Variants in OR10R2 observed in about 807,000 individuals in gnomAD.
The protein encoded by OR10R2 is olfactory receptor 10R2.
Under a neutral mutation model 2.4 loss-of-function variants are expected in OR10R2, and 1 was observed. The observed-to-expected ratio is 0.41, with a 90% CI of 0.15 to 1.95. The LOEUF (loss-of-function observed/expected upper bound fraction) is 1.95. OR10R2 is among the 30% of genes most tolerant of loss of function. The probability of loss-of-function intolerance (pLI) is 0.30; values close to 1 mark genes in which losing one functional copy is unlikely to be tolerated. For synonymous variants in OR10R2, 166 were observed against 144.8 expected, an observed-to-expected ratio of 1.15 and a Z score of -1.05; for missense variants, 419 against 373.0, an observed-to-expected ratio of 1.12 and a Z score of -1.01.
intron 1 of OR10R2, 58 bp from the exon 2 acceptor site, chr1:158,479,880 G>GC: frequency 1.3e-6 from 2 of 1,591,438 alleles, no homozygotes; most frequent in East Asian, 4.5e-5. Flanking sequence ...AGGAGTGCAT[G>GC]CCCCAAATTC....
intron 1 of OR10R2, among the ~76,000 whole-genome samples, chr1:158,476,899 T>A (rs1656282344): frequency 1.3e-5 from 2 of 152,176 alleles, no homozygotes; most frequent in Admixed American, 1.3e-4. Context: ...CGTCTGTTCA[T>A]ATCCTTTGCA....
chr1:158,479,726 G>T, intron 1 of OR10R2: 1 of 602,686 alleles, frequency 1.7e-6, no homozygotes, highest in Non-Finnish European at 2.9e-6. Flanking sequence ...GAGAGAATCA[G>T]AAAGTCAGAG....
At chr1:158,477,659 C>G (rs1453527486) in intron 1 of OR10R2, among the ~76,000 whole-genome samples, 1 of 152,012 alleles carries the variant, frequency 6.6e-6, no homozygotes, top group Non-Finnish European at 1.5e-5. Context: ...AGAGATAACA[C>G]AAATAAATGG....
intron 1 of OR10R2, among the ~76,000 whole-genome samples, 193 bp downstream of exon 1, chr1:158,472,545 T>C (rs1249684209): frequency 1.3e-5 from 2 of 152,260 alleles, no homozygotes; most frequent in Non-Finnish European, 2.9e-5. Context: ...AACTCTTTCA[T>C]ATTGGAGATT....
chr1:158,476,741 G>A (rs1656279456), intron 1 of OR10R2, among the ~76,000 whole-genome samples: 1 of 152,062 alleles, frequency 6.6e-6, no homozygotes, highest in Admixed American at 6.5e-5. Flanking sequence ...TCATTTCAAT[G>A]TGTAGATACA....
exon 2 of OR10R2, chr1:158,480,912 A>G (rs771896162): frequency 9.5e-7 from 1 of 1,052,918 alleles, no homozygotes; most frequent in Non-Finnish European, 1.4e-6. Flanking sequence ...AGATTTCTTA[A>G]TAAATAATGC....
chr1:158,476,513 A>G (rs898169902), intron 1 of OR10R2, among the ~76,000 whole-genome samples: 10 of 143,598 alleles, frequency 7.0e-5, no homozygotes, highest in African/African-American at 2.6e-4. Flanking sequence ...ATGCCACTGC[A>G]CTCCAGCCTG....
At chr1:158,480,619 A>T (rs755006065) in exon 2 of OR10R2, 4 of 1,613,596 alleles carry the variant, frequency 2.5e-6, no homozygotes, top group Admixed American at 1.7e-5. Flanking sequence ...TATCCTGAAG[A>T]TTCCCTCAGC....
At chr1:158,477,846 T>C (rs942050796) in intron 1 of OR10R2, among the ~76,000 whole-genome samples, 3 of 151,980 alleles carry the variant, frequency 2.0e-5, no homozygotes, top group Non-Finnish European at 4.4e-5. Context: ...ATAGCCCAAG[T>C]AACCCTAAAG....
Position 158,472,263 on chromosome 1 carries a change from A to G in OR10R2, c.-63A>G, listed in dbSNP as rs1020113861. 2 of 398,944 alleles carry G rather than the reference A, an allele frequency of 5.0e-6. 1 individual carries two copies. Among genetic ancestry groups the G allele is most frequent in the Middle Eastern group, 1.3e-3 (2 of 1,586 alleles). The allele number at this position is 398,944 out of a possible 1,614,324, so 24.7% of individuals were successfully genotyped here. The stretch of plus-strand genomic sequence containing the variant: ...GCATTGATGCTAATGTGAACCAGAA[A>G]AAAAGCTCCTTAATTATACTCATTA... On this transcript the variant is annotated 5_prime_UTR_variant, in exon 1 of 2. Transcript: ENST00000641067.
intron 1 of OR10R2, among the ~76,000 whole-genome samples, chr1:158,477,404 T>C (rs1656290285): frequency 6.6e-6 from 1 of 152,208 alleles, no homozygotes. Flanking sequence ...AGAAAACTAA[T>C]TTAAAGACTC....
Position 158,480,500 on chromosome 1 carries a change from C to T in OR10R2, c.590C>T (p.Ala197Val), listed in dbSNP as rs1173707646. The change falls in exon 2 of 2, where the codon GCT becomes GTT. Residue 197 changes from alanine (A) to valine (V), a missense_variant. Ala to Val is a moderately conservative substitution (Grantham distance 64). Transcript: ENST00000641067. ...GACATCTCAGCAGTCATTCTTCTGGCTTGTACCAACACAGATGTTAACGAA... is the reference window on the plus strand; with the variant it reads ...GACATCTCAGCAGTCATTCTTCTGGTTTGTACCAACACAGATGTTAACGAA... The T allele has an allele frequency of 6.2e-7, 1 of 1,613,004 alleles. No individual in the cohort carries two copies.
At chr1:158,475,741 A>G (rs1656256775) in intron 1 of OR10R2, among the ~76,000 whole-genome samples, 1 of 151,548 alleles carries the variant, frequency 6.6e-6, no homozygotes, top group Non-Finnish European at 1.5e-5. Context: ...TTGTTGCTTA[A>G]TACTCTTTGA....
At chr1:158,476,813 G>T (rs1656280652) in intron 1 of OR10R2, among the ~76,000 whole-genome samples, 1 of 152,064 alleles carries the variant, frequency 6.6e-6, no homozygotes. Context: ...GTTTCGATTT[G>T]CATTTCTCTG....
At chr1:158,475,345 A>C (rs77510724) in intron 1 of OR10R2, among the ~76,000 whole-genome samples, 2,491 of 152,204 alleles carry the variant, frequency 0.016, 56 homozygotes, top group African/African-American at 0.057. Context: ...GGATGTAGAT[A>C]TAGTTTGCTA....
exon 2 of OR10R2, chr1:158,480,334 C>T: frequency 1.2e-6 from 2 of 1,614,100 alleles, no homozygotes; most frequent in Non-Finnish European, 1.7e-6. Flanking sequence ...TCTGCATTAC[C>T]CCACTCTTAT....
At chr1:158,475,391 T>C (rs903262320) in intron 1 of OR10R2, among the ~76,000 whole-genome samples, 21 of 152,100 alleles carry the variant, frequency 1.4e-4, no homozygotes, top group African/African-American at 4.8e-4. Context: ...ATTATAATCT[T>C]ATTAGTAAAT....
At chr1:158,477,923 A>G (rs894037521) in intron 1 of OR10R2, among the ~76,000 whole-genome samples, 2 of 152,200 alleles carry the variant, frequency 1.3e-5, no homozygotes, top group African/African-American at 2.4e-5. Context: ...ACGTTACAGT[A>G]ACCCAAACAG....
chr1:158,475,034 C>G (rs1313061112), intron 1 of OR10R2, among the ~76,000 whole-genome samples: 1 of 152,036 alleles, frequency 6.6e-6, no homozygotes, highest in Admixed American at 6.6e-5. Flanking sequence ...TAAATTAATA[C>G]ATTTAATAAT....
Sources: allele counts gnomAD v4.1 joint callset (sites outside exome capture counted in the v4.1 genomes callset), GRCh38; gene constraint gnomAD v4.1.1; transcripts MANE v1.5; gene names NCBI Gene and HGNC (gene_info 2026-07-23, HGNC 2026-07-21).